The following NRG3 variants were observed in gnomAD, a reference collection of about 807,000 sequenced individuals.
NRG3 encodes the protein neuregulin 3.
Under a neutral mutation model 66.9 loss-of-function variants are expected in NRG3, and 31 were observed. The ratio of observed to expected loss-of-function variants is 0.46; its 90% CI spans 0.35 to 0.63. The LOEUF (loss-of-function observed/expected upper bound fraction) is 0.63, where lower values mean the gene tolerates loss of function less well. Ranked by LOEUF, NRG3 falls within the 20% of genes least tolerant of loss-of-function variation. NRG3 has a pLI of 0.00. For missense variants in NRG3, 910 were observed against 878.9 expected, an observed-to-expected ratio of 1.04 and a Z score of -0.45; for synonymous variants, 393 against 359.4, an observed-to-expected ratio of 1.09 and a Z score of -1.06.
At chr10:82,369,739 A>G (rs1229600973) in intron 2 of NRG3, among the ~76,000 whole-genome samples, 2 of 139,014 alleles carry the variant, frequency 1.4e-5, no homozygotes, top group African/African-American at 3.3e-5. Context: ...ATTCATAGAA[A>G]AGCAAGACTA....
At chr10:82,445,082 A>C (rs566799099) in intron 2 of NRG3, among the ~76,000 whole-genome samples, 1 of 152,228 alleles carries the variant, frequency 6.6e-6, no homozygotes, top group African/African-American at 2.4e-5. Flanking sequence ...AGCATTTGGA[A>C]GGTCTAAGGT....
At chr10:82,739,503 T>A (rs943995243) in intron 3 of NRG3, among the ~76,000 whole-genome samples, 1 of 152,244 alleles carries the variant, frequency 6.6e-6, no homozygotes, top group Non-Finnish European at 1.5e-5. Context: ...AAATATTTTG[T>A]ACTGACTAAG....
intron 2 of NRG3, among the ~76,000 whole-genome samples, chr10:82,603,195 G>A (rs986864110): frequency 2.0e-5 from 3 of 152,254 alleles, no homozygotes; most frequent in Admixed American, 2.0e-4. Context: ...GCCTTCATGG[G>A]AATTAGCCTA....
intron 1 of NRG3, among the ~76,000 whole-genome samples, chr10:81,930,405 C>T (rs577468951): frequency 5.9e-5 from 9 of 151,896 alleles, no homozygotes; most frequent in Admixed American, 2.0e-4. Context: ...AGATACAACT[C>T]AGGAGCAGCT....
At chr10:82,348,134 C>G (rs528381416) in intron 1 of NRG3, among the ~76,000 whole-genome samples, 1 of 151,942 alleles carries the variant, frequency 6.6e-6, no homozygotes, top group African/African-American at 2.4e-5. Context: ...TTATTTTGCT[C>G]GTTAGTTGAT....
intron 2 of NRG3, among the ~76,000 whole-genome samples, chr10:82,393,840 C>A (rs1029028851): frequency 3.9e-5 from 6 of 152,166 alleles, no homozygotes; most frequent in African/African-American, 1.4e-4. Flanking sequence ...CACTTACTGT[C>A]CTGCTGGTAC....
At chr10:82,729,155 C>T (rs1033084478) in intron 2 of NRG3, among the ~76,000 whole-genome samples, 1 of 152,124 alleles carries the variant, frequency 6.6e-6, no homozygotes, top group African/African-American at 2.4e-5. Context: ...AAAGACATGC[C>T]TTTTCCTCCA....
At chr10:82,155,878 G>A (rs919548483) in intron 1 of NRG3, among the ~76,000 whole-genome samples, 1 of 151,622 alleles carries the variant, frequency 6.6e-6, no homozygotes, top group African/African-American at 2.4e-5. Flanking sequence ...AGAAAACAAA[G>A]GTAGCAGAAT....
At chr10:82,331,494 CTA>C (rs2082131734) in intron 1 of NRG3, among the ~76,000 whole-genome samples, 1 of 152,162 alleles carries the variant, frequency 6.6e-6, no homozygotes, top group Non-Finnish European at 1.5e-5. Context: ...GAGCCAGGAA[CTA>C]AGGTTCCCAT....
intron 2 of NRG3, among the ~76,000 whole-genome samples, chr10:82,446,802 GA>G (rs569578806): frequency 2.6e-5 from 4 of 151,948 alleles, no homozygotes; most frequent in Non-Finnish European, 2.9e-5. Flanking sequence ...AAACGTTGAA[GA>G]AAAAAAATTC....
intron 2 of NRG3, among the ~76,000 whole-genome samples, chr10:82,628,387 T>A (rs763186579): frequency 3.3e-5 from 5 of 152,152 alleles, no homozygotes; most frequent in Non-Finnish European, 7.3e-5. Flanking sequence ...TCAGATGGGC[T>A]TAGCTGCAGC....
At chr10:82,824,664 A>T (rs371114143) in intron 3 of NRG3, among the ~76,000 whole-genome samples, 10 of 146,666 alleles carry the variant, frequency 6.8e-5, no homozygotes, top group African/African-American at 2.3e-4. Flanking sequence ...CTGTTTGTAT[A>T]TTTTTTTTGA....
chr10:82,596,937 T>A (rs918932493), intron 2 of NRG3, among the ~76,000 whole-genome samples: 3 of 152,204 alleles, frequency 2.0e-5, no homozygotes, highest in African/African-American at 7.2e-5. Flanking sequence ...TTTGCAGTGC[T>A]TTTCCTTTTA....
At chr10:81,878,205 G>C in intron 1 of NRG3, 2 of 945,742 alleles carry the variant, frequency 2.1e-6, no homozygotes, top group East Asian at 5.4e-5. Flanking sequence ...AAGGAAAAGA[G>C]GGGAAAAATC....
intron 2 of NRG3, among the ~76,000 whole-genome samples, chr10:82,372,630 G>A (rs2084958488): frequency 1.3e-5 from 2 of 152,066 alleles, no homozygotes; most frequent in African/African-American, 4.8e-5. Context: ...GTCTTGCTGT[G>A]TTGCCCAGGC....
intron 1 of NRG3, among the ~76,000 whole-genome samples, chr10:82,092,451 G>C (rs972972210): frequency 6.6e-6 from 1 of 151,876 alleles, no homozygotes; most frequent in Non-Finnish European, 1.5e-5. Context: ...TTTCATCCTA[G>C]TATAAAATGA....
intron 2 of NRG3, among the ~76,000 whole-genome samples, chr10:82,720,810 C>CATATAT (rs5786567): frequency 0.013 from 1,499 of 114,564 alleles, 29 homozygotes; most frequent in Middle Eastern, 0.033. Flanking sequence ...GTATTTTATA[C>CATATAT]ATATATATAT....
intron 1 of NRG3, among the ~76,000 whole-genome samples, chr10:81,970,619 A>G (rs2059900070): frequency 6.6e-6 from 1 of 152,022 alleles, no homozygotes; most frequent in South Asian, 2.1e-4. Context: ...TGATATGTAG[A>G]ACAGAGGCAT....
intron 1 of NRG3, among the ~76,000 whole-genome samples, chr10:82,282,829 G>A (rs73306630): frequency 0.016 from 2,495 of 152,078 alleles, 69 homozygotes; most frequent in African/African-American, 0.057. Context: ...TTTTTAATTC[G>A]AAGGGTAGGA....
Sources: allele counts gnomAD v4.1 joint callset (sites outside exome capture counted in the v4.1 genomes callset), GRCh38; gene constraint gnomAD v4.1.1; transcripts MANE v1.5; gene names NCBI Gene and HGNC (gene_info 2026-07-23, HGNC 2026-07-21).